Variants in ELFN2 observed in about 807,000 individuals in gnomAD.
ELFN2 encodes protein phosphatase 1 regulatory subunit 29.
Under a neutral mutation model 45.5 loss-of-function variants are expected in ELFN2, and 17 were observed. The ratio of observed to expected loss-of-function variants is 0.37; its 90% CI spans 0.26 to 0.56. The LOEUF is 0.56. Ranked by LOEUF, ELFN2 falls within the 20% of genes least tolerant of loss-of-function variation. The pLI is 0.77. For synonymous variants in ELFN2, 550 were observed against 551.5 expected (o/e 1.00, Z 0.04); for missense variants, 922 against 1,183.2 (o/e 0.78, Z 3.24).
At chr22:37,357,340 G>C (rs9607450) in intron 1 of ELFN2, among the ~76,000 whole-genome samples, 46,751 of 151,874 alleles carry the variant, frequency 0.31, 7,398 homozygotes, top group Middle Eastern at 0.42. Context: ...GGCTGAAAAT[G>C]AAGGGTTTTG....
Position 37,391,192 on chromosome 22 carries a change from C to T in ELFN2, c.-462-15196G>A, listed in dbSNP as rs887096275. 2.6e-5 allele frequency among the ~76,000 whole-genome samples: 4 copies of T among 152,188 alleles called. No homozygotes were observed. The South Asian group carries it at 6.2e-4, about 24-fold the overall frequency. ...CTCTTTCCCTATCCGCCCAAGGCTG[C>T]GTGGGGGCCATCCTCTGGCTCCCGA... On this transcript the variant is annotated intron_variant, in intron 2 of 2. Transcript: ENST00000402918.
chr22:37,351,813 G>A (rs1234676727), intron 1 of ELFN2, among the ~76,000 whole-genome samples: 1 of 151,048 alleles, frequency 6.6e-6, no homozygotes. Flanking sequence ...ACCTGCTCTG[G>A]TGGCGGCCCC....
chr22:37,371,361 T>G lies in ELFN2; in HGVS notation c.*1711A>C, dbSNP rs1366381290. 6.6e-6 allele frequency: 1 copy of G among 152,230 alleles called. No homozygotes were observed. Among genetic ancestry groups the G allele is most frequent in the Non-Finnish European group, 1.5e-5 (1 of 68,058 alleles). The allele number at this position is 152,230 out of a possible 1,614,324, so 9.4% of individuals were successfully genotyped here. On this transcript the variant is annotated 3_prime_UTR_variant, in exon 3 of 3. Transcript: ENST00000402918. The surrounding 1 kb of genome is among the most constrained non-coding windows in gnomAD (Gnocchi z 6.4). ...CCACAGGCCCTAGACTGGGGGTCTC[T>G]GGCAGGGGCGTGGGGAGAGCCGGGG...
intron 2 of ELFN2, among the ~76,000 whole-genome samples, chr22:37,411,678 G>C (rs755688116): frequency 6.6e-6 from 1 of 152,184 alleles, no homozygotes; most frequent in Non-Finnish European, 1.5e-5. Flanking sequence ...CTGTGACCCA[G>C]TGTGGAGACA....
intron 2 of ELFN2, among the ~76,000 whole-genome samples, chr22:37,381,723 A>G (rs1488925316): frequency 2.0e-5 from 3 of 151,798 alleles, no homozygotes; most frequent in Non-Finnish European, 4.4e-5. Context: ...TGTAACCCCC[A>G]TGCCTAGAAC....
rs1931480134 is a variant in ELFN2 at position 37,374,071 on chromosome 22, C to T, written c.1464G>A (p.Glu488=). 6.2e-7 allele frequency: 1 copy of T among 1,613,250 alleles called. No individual in the cohort carries two copies. Among genetic ancestry groups the T allele is most frequent in the Non-Finnish European group, 8.5e-7 (1 of 1,180,030 alleles). ...CTACCTTGGGTGTGTCCAGCCCGGC[C>T]TCCAACCCCTTGGCGGTGGGCAGCT... ...GEKLPTAKGL[E]AGLDTPKVAT... is the part of the protein sequence containing the mutation. The change falls in exon 3 of 3, where the codon GAG becomes GAA. Residue 488 remains glutamate (E), a synonymous_variant. Transcript: ENST00000402918.
intron 2 of ELFN2, among the ~76,000 whole-genome samples, chr22:37,394,865 G>T (rs981594510): frequency 2.0e-5 from 3 of 152,128 alleles, no homozygotes; most frequent in Non-Finnish European, 4.4e-5. Context: ...AACACTTTAG[G>T]AGGCCGAGGC....
chr22:37,343,756 C>A (rs753011594), intron 1 of ELFN2, among the ~76,000 whole-genome samples: 8 of 149,998 alleles, frequency 5.3e-5, no homozygotes, highest in Non-Finnish European at 1.2e-4. Flanking sequence ...CAGTGTTCAC[C>A]CACCTCAGTC....
chr22:37,345,465 C>T (rs945678216), intron 1 of ELFN2, among the ~76,000 whole-genome samples: 2 of 152,146 alleles, frequency 1.3e-5, no homozygotes, highest in African/African-American at 4.8e-5. Context: ...CCCTGGCACA[C>T]AGTAGGTGCT....
chr22:37,342,140 G>A (rs1367320876), intron 2 of ELFN2, among the ~76,000 whole-genome samples: 1 of 152,158 alleles, frequency 6.6e-6, no homozygotes, highest in Non-Finnish European at 1.5e-5. Context: ...GAGGACTTGG[G>A]TCCCTGGAGA....
chr22:37,412,907 A>G, intron 2 of ELFN2, among the ~76,000 whole-genome samples: 1 of 152,144 alleles, frequency 6.6e-6, no homozygotes, highest in African/African-American at 2.4e-5. Flanking sequence ...GGCCTGGGCC[A>G]GGCACCCCTA....
intron 1 of ELFN2, among the ~76,000 whole-genome samples, chr22:37,360,042 T>C (rs1324004171): frequency 6.6e-6 from 1 of 152,206 alleles, no homozygotes; most frequent in Non-Finnish European, 1.5e-5. Context: ...GGTATTGCTA[T>C]AGACAAAGGT....
chr22:37,377,720 C>T (rs183660823), intron 2 of ELFN2, among the ~76,000 whole-genome samples: 1 of 152,314 alleles, frequency 6.6e-6, no homozygotes, highest in Admixed American at 6.5e-5. Context: ...TGAGGCCAGG[C>T]TCACACCTCC....
Position 37,374,396 on chromosome 22 carries a change from C to T in ELFN2, c.1139G>A (p.Arg380Gln), listed in dbSNP as rs944130698. The part of the protein sequence containing the change: ...FNHTCLTFTT[R>Q]DPVPGDLAPS... Reference sequence around the variant, plus strand: ...CGCCAAGTCTCCGGGGACGGGGTCCCGCGTGGTGAAGGTCAGGCAGGTGTG... The same window carrying T: ...CGCCAAGTCTCCGGGGACGGGGTCCTGCGTGGTGAAGGTCAGGCAGGTGTG... Residue 380 changes from arginine to glutamine, a missense_variant, in exon 3 of 3, where the codon CGG (arginine) becomes CAG (glutamine). By Grantham distance (43) the Arg-to-Gln change is conservative. This residue lies in a region of ELFN2 where 564 missense variants were observed against 642.8 expected (regional missense o/e 0.88). Transcript: ENST00000402918. 8.1e-6 allele frequency: 13 copies of T among 1,613,714 alleles called. No individual in the cohort carries two copies. In the Admixed American group the frequency reaches 1.5e-4, roughly 19 times the overall value.
At position 37,374,363 on chromosome 22, in the gene ELFN2, G is replaced by A. The variant is rs766159381; in HGVS notation, c.1172C>T (p.Thr391Ile). 5 of 1,613,944 alleles carry A rather than the reference G, an allele frequency of 3.1e-6. No homozygotes were observed. In the African/African-American group the frequency reaches 5.3e-5, roughly 17 times the overall value. Residue 391 changes from threonine (T) to isoleucine (I), a missense_variant, in exon 3 of 3, where the codon ACC (threonine) becomes ATC (isoleucine). Around this residue, in one of 2 missense-constraint regions of ELFN2, gnomAD observed 564 missense variants for 642.8 expected, o/e 0.88. Coordinates refer to ENST00000402918, the MANE Select transcript of ELFN2 (RefSeq NM_052906.5). ...CATGATGTAGTGGGTGGTGGTGGAG[G>A]TGCTGGGCGCCAAGTCTCCGGGGAC... ...DPVPGDLAPS[T>I]STTTHYIMTI...
chr22:37,385,574 T>A (rs1357191719), intron 2 of ELFN2, among the ~76,000 whole-genome samples: 3 of 152,214 alleles, frequency 2.0e-5, no homozygotes, highest in Non-Finnish European at 2.9e-5. Context: ...ACCTCCTCCC[T>A]GCCTCTCTGG....
At position 37,353,240 on chromosome 22, in the gene ELFN2, G is replaced by T. The variant is rs1219425441; in HGVS notation, n.149-10537C>A. On this transcript the variant is annotated intron_variant and non_coding_transcript_variant, in intron 1 of 2. Transcript: ENST00000452946. The stretch of plus-strand genomic sequence containing the variant: ...CTGGTTCTGCGGCTGACCCAGTGGG[G>T]AATTAGGTCCTCAGGGAAAGGGGAG... The T allele has an allele frequency of 2.0e-5, 3 of 151,170 alleles. 1 individual carries two copies. Among genetic ancestry groups the T allele is most frequent in the Non-Finnish European group, 4.4e-5 (3 of 67,432 alleles). 9.4% of individuals were successfully genotyped at this position (151,170 alleles called of 1,614,324 possible). A position where few individuals can be genotyped will look rare whatever the true frequency, so the allele number is the denominator to read the frequency against.
intron 1 of ELFN2, among the ~76,000 whole-genome samples, chr22:37,362,820 A>G (rs972412024): frequency 5.3e-5 from 8 of 152,214 alleles, no homozygotes; most frequent in Non-Finnish European, 1.0e-4. Flanking sequence ...CAACCCTGCC[A>G]AACCCTCTTA....
intron 2 of ELFN2, among the ~76,000 whole-genome samples, chr22:37,402,115 G>A (rs1932378887): frequency 6.6e-6 from 1 of 152,206 alleles, no homozygotes; most frequent in East Asian, 1.9e-4. Context: ...GCTGCACCCT[G>A]CCTGCTTTGG....
Sources: gnomAD v4.1 joint callset for allele counts (sites outside exome capture counted in the v4.1 genomes callset) on GRCh38, gnomAD v4.1.1 for gene constraint, gnomAD v4.1.1 regional missense constraint, Gnocchi (gnomAD v3.1) non-coding constraint, MANE v1.5 for transcripts, NCBI Gene and HGNC (gene_info 2026-07-23, HGNC 2026-07-21) for gene names.